KIAA0586: variants seen among roughly 807,000 people sequenced by gnomAD.
KIAA0586 encodes protein TALPID3.
Under a neutral mutation model 169.8 loss-of-function variants are expected in KIAA0586, and 144 were observed. The ratio of observed to expected loss-of-function variants is 0.85; its 90% confidence interval spans 0.74 to 0.97. The LOEUF is 0.97. Ranked by LOEUF, KIAA0586 falls within the 50% of genes least tolerant of loss-of-function variation. KIAA0586 has a pLI of 0.00. For missense variants in KIAA0586, 1,854 were observed against 1,823.0 expected (o/e 1.02, Z -0.31); for synonymous variants, 625 against 612.4 (o/e 1.02, Z -0.30).
At chr14:58,518,629 A>G (rs1387130953) in intron 29 of KIAA0586, among the ~76,000 whole-genome samples, 2 of 152,246 alleles carry the variant, frequency 1.3e-5, no homozygotes, top group Non-Finnish European at 2.9e-5. Context: ...ACTCTACGCT[A>G]CTAAGCTTCA....
chr14:58,453,064 C>T (rs898770155), intron 8 of KIAA0586, among the ~76,000 whole-genome samples: 17 of 151,708 alleles, frequency 1.1e-4, no homozygotes, highest in African/African-American at 3.4e-4. Context: ...ATTACAGGCA[C>T]GCACCACCAT....
intron 27 of KIAA0586, among the ~76,000 whole-genome samples, chr14:58,502,549 G>A (rs2043643661): frequency 6.6e-6 from 1 of 152,158 alleles, no homozygotes; most frequent in South Asian, 2.1e-4. Context: ...ACTTTTAAAA[G>A]GTGTAGATAC....
In KIAA0586 at chr14:58,444,069, A is replaced by G; in HGVS notation, c.701A>G (p.Lys234Arg). Reference sequence around the variant, plus strand: ...GAGCAGCAAACAAGCATTCAGAGGAAACAAGAGAAATTACATTGTCATGAT... The same window carrying G: ...GAGCAGCAAACAAGCATTCAGAGGAGACAAGAGAAATTACATTGTCATGAT... ...VTEQQTSIQR[K>R]QEKLHCHDHE... The change falls in exon 6 of 31, where the codon AAA becomes AGA. Residue 234 changes from lysine to arginine, a missense_variant. Physicochemically the swap from Lys to Arg is conservative, Grantham distance 26. Coordinates refer to ENST00000652326, the MANE Select transcript of KIAA0586 (RefSeq NM_001329943.3). The G allele has an allele frequency of 3.1e-6, 5 of 1,613,528 alleles. No individual in the cohort carries two copies. Among genetic ancestry groups the G allele is most frequent in the Non-Finnish European group, 4.2e-6 (5 of 1,179,594 alleles).
chr14:58,439,028 A>G (rs538845032), intron 4 of KIAA0586, among the ~76,000 whole-genome samples: 1 of 152,194 alleles, frequency 6.6e-6, no homozygotes, highest in Non-Finnish European at 1.5e-5. Context: ...CTTACGGTTG[A>G]GAGAGAGAAG....
rs1417282254 is a variant in KIAA0586, at chr14:58,490,379, G to A, written c.3858+139G>A. 6.5e-6 allele frequency: 3 copies of A among 461,040 alleles called. No homozygotes were observed. In the East Asian group the frequency reaches 1.1e-4, roughly 16 times the overall value. The allele number at this position is 461,040 out of a possible 1,614,324, so 28.6% of individuals were successfully genotyped here. A position where few individuals can be genotyped will look rare whatever the true frequency, so the allele number is the denominator to read the frequency against. ...TAAAATAACCATGAAATAATTTAGA[G>A]TTTCTTGCACATTTCATTATGTAAT... On this transcript the variant is annotated intron_variant, in intron 25 of 30. Coordinates refer to ENST00000652326, the MANE Select transcript of KIAA0586 (RefSeq NM_001329943.3).
chr14:58,463,690 T>C (rs1362302202), intron 14 of KIAA0586, among the ~76,000 whole-genome samples: 1 of 152,066 alleles, frequency 6.6e-6, no homozygotes, highest in Non-Finnish European at 1.5e-5. Flanking sequence ...TAGCAGGGCA[T>C]GCCTGTAGTC....
chr14:58,519,131 C>G (rs2044994379), intron 29 of KIAA0586, among the ~76,000 whole-genome samples: 1 of 152,158 alleles, frequency 6.6e-6, no homozygotes, highest in Non-Finnish European at 1.5e-5. Context: ...GACTCTGTCT[C>G]AAAACCAAAA....
intron 30 of KIAA0586, among the ~76,000 whole-genome samples, chr14:58,543,584 T>G (rs530856081): frequency 3.2e-4 from 48 of 152,288 alleles, no homozygotes; most frequent in African/African-American, 1.1e-3. Context: ...AGTGACCTGA[T>G]TTGGACCCTA....
rs1264102677 is a variant in KIAA0586, at chr14:58,482,509, T to C, written c.2945-4T>C. 6.8e-7 allele frequency: 1 copy of C among 1,473,526 alleles called. No individual in the cohort carries two copies. The highest frequency in any genetic ancestry group is 2.4e-5 in the Admixed American group (1 of 41,628). The allele number at this position is 1,473,526 out of a possible 1,614,324, so 91.3% of individuals were successfully genotyped here. ...TTATTCTGATTTTTTTTTTTTACTTTTAGTGGAAGGAACAAGCAGTGGCGC... is the reference window on the plus strand; with the variant it reads ...TTATTCTGATTTTTTTTTTTTACTTCTAGTGGAAGGAACAAGCAGTGGCGC... On this transcript the variant is annotated splice_polypyrimidine_tract_variant and splice_region_variant and intron_variant, in intron 20 of 30. Coordinates refer to ENST00000652326, the MANE Select transcript of KIAA0586 (RefSeq NM_001329943.3).
chr14:58,479,113 G>C (rs1174276202), intron 20 of KIAA0586, among the ~76,000 whole-genome samples: 2 of 152,166 alleles, frequency 1.3e-5, no homozygotes, highest in African/African-American at 4.8e-5. Flanking sequence ...ATTTCCAAAA[G>C]TGGGTGTACT....
At chr14:58,446,294 A>G (rs1173841661) in intron 6 of KIAA0586, among the ~76,000 whole-genome samples, 3 of 151,274 alleles carry the variant, frequency 2.0e-5, no homozygotes, top group Non-Finnish European at 4.4e-5. Context: ...TCAGGAGTTC[A>G]AGACCAGCCT....
Position 58,543,131 on chromosome 14 carries a change from CAA to C in KIAA0586, c.4495+3010_4495+3011del, listed in dbSNP as rs35632146. Among the ~76,000 whole-genome samples, 91 of 119,918 alleles carry C rather than the reference CAA, an allele frequency of 7.6e-4. 1 individual carries two copies. Among genetic ancestry groups the C allele is most frequent in the Admixed American group, 6.0e-3 (70 of 11,616 alleles). The allele number at this position is 119,918 out of a possible 152,430, so 78.7% of individuals were successfully genotyped here. ...TGGGTGACAAAACGAGATTACGTCT[CAA>C]AAAAAAAAAAAAAAGAAAAGAAACA... On this transcript the variant is annotated intron_variant, in intron 30 of 30. Coordinates refer to ENST00000652326, the MANE Select transcript of KIAA0586 (RefSeq NM_001329943.3).
chr14:58,523,703 C>T lies in KIAA0586; in HGVS notation c.4429+11076C>T, dbSNP rs576515065. Among the ~76,000 whole-genome samples the T allele has an allele frequency of 1.0e-4, 15 of 149,562 alleles. No individual in the cohort carries two copies. In the East Asian group the frequency reaches 2.7e-3, roughly 27 times the overall value. ...TTGTGATTACGATTAGGAGTAGCATCTGATCTTTTAATTGAATATTATTAT... is the reference window on the plus strand; with the variant it reads ...TTGTGATTACGATTAGGAGTAGCATTTGATCTTTTAATTGAATATTATTAT... On this transcript the variant is annotated intron_variant, in intron 29 of 30. Transcript: ENST00000652326.
In KIAA0586 at chr14:58,467,826, A is replaced by G. The variant is rs755967295; in HGVS notation, c.2346A>G (p.Pro782=). The G allele has an allele frequency of 3.1e-6, 5 of 1,613,818 alleles. No homozygotes were observed. Among genetic ancestry groups the G allele is most frequent in the South Asian group, 1.1e-5 (1 of 91,084 alleles). ...TAACTGTGACTACTTCTATTCCTCC[A>G]TCATCTCGAAAAGTAGAAACTGGAG... is the stretch of plus-strand genomic sequence containing the variant. ...HPVTVTTSIP[P]SSRKVETGVK... The change falls in exon 16 of 31, where the codon CCA becomes CCG. Residue 782 remains proline, a synonymous_variant. Coordinates refer to ENST00000652326, the MANE Select transcript of KIAA0586 (RefSeq NM_001329943.3).
chr14:58,453,592 G>T lies in KIAA0586; in HGVS notation c.1253+119G>T, dbSNP rs578185884. On this transcript the variant is annotated intron_variant, in intron 9 of 30. Transcript: ENST00000652326. ...GCTTCTTAAATTTATCTTAGATTTA[G>T]TTACTATTTTTTGATGCTAATATAT... is the stretch of plus-strand genomic sequence containing the variant. The T allele has an allele frequency of 6.6e-4, 439 of 662,624 alleles. 3 individuals carry two copies. In the African/African-American group the frequency reaches 8.0e-3, roughly 12 times the overall value. The allele number at this position is 662,624 out of a possible 1,614,324, so 41.0% of individuals were successfully genotyped here. A position where few individuals can be genotyped will look rare whatever the true frequency, so the allele number is the denominator to read the frequency against.
intron 29 of KIAA0586, among the ~76,000 whole-genome samples, chr14:58,531,678 A>G (rs558171445): frequency 5.6e-4 from 86 of 152,336 alleles, no homozygotes; most frequent in African/African-American, 1.9e-3. Flanking sequence ...CAATCCCTTT[A>G]CTGGGTATAT....
intron 9 of KIAA0586, among the ~76,000 whole-genome samples, chr14:58,454,944 C>T (rs1322856383): frequency 6.6e-6 from 1 of 152,126 alleles, no homozygotes; most frequent in Non-Finnish European, 1.5e-5. Context: ...TCTGTGGTTT[C>T]TGATGAGGAG....
At position 58,459,843 on chromosome 14, in the gene KIAA0586, G is replaced by C. The variant is rs1214561950; in HGVS notation, c.1657G>C (p.Asp553His). 3.1e-5 allele frequency: 46 copies of C among 1,493,666 alleles called. No individual in the cohort carries two copies. Among genetic ancestry groups the C allele is most frequent in the Non-Finnish European group, 2.4e-5 (27 of 1,120,546 alleles). The allele number at this position is 1,493,666 out of a possible 1,614,324, so 92.5% of individuals were successfully genotyped here. ...TAATTTTAACTTTGGTTATGTTAAG[G>C]ATGAACTGTCAAGAACAGATTATGA... ...WIKTISAEIQ[D>H]ELSRTDYEQK... The change falls in exon 13 of 31, where the codon GAT (aspartate) becomes CAT (histidine). Residue 553 changes from aspartate (D) to histidine (H), a missense_variant and splice_region_variant. By Grantham distance (81) the Asp-to-His change is moderately conservative (BLOSUM62 -1). Transcript: ENST00000652326.
chr14:58,454,933 C>G (rs1047535335), intron 9 of KIAA0586, among the ~76,000 whole-genome samples: 1 of 152,138 alleles, frequency 6.6e-6, no homozygotes, highest in Non-Finnish European at 1.5e-5. Flanking sequence ...GCCTTTTGGA[C>G]TCTGTGGTTT....
Sources: gnomAD v4.1 joint callset for allele counts (sites outside exome capture counted in the v4.1 genomes callset) on GRCh38, gnomAD v4.1.1 for gene constraint, MANE v1.5 for transcripts, NCBI Gene and HGNC (gene_info 2026-07-23, HGNC 2026-07-21) for gene names.